The following SEZ6L variants were observed in gnomAD, a reference collection of about 807,000 sequenced individuals.
SEZ6L encodes the protein seizure related 6 homolog like, also known as seizure 6-like protein.
SEZ6L carries 37 observed loss-of-function variants against 106.2 expected under a neutral mutation model. The ratio of observed to expected loss-of-function variants is 0.35; its 90% confidence interval spans 0.27 to 0.46. The LOEUF (loss-of-function observed/expected upper bound fraction) is 0.46, where lower values mean the gene tolerates loss of function less well. Among genes scored for constraint, SEZ6L ranks in the 20% least tolerant of loss-of-function variants. The pLI is 1.00. For missense variants in SEZ6L, 1,172 were observed against 1,332.8 expected (o/e 0.88, Z 1.88); for synonymous variants, 541 against 570.4 (o/e 0.95, Z 0.73).
intron 1 of SEZ6L, among the ~76,000 whole-genome samples, chr22:26,198,904 T>C (rs929300446): frequency 1.3e-5 from 2 of 152,230 alleles, no homozygotes; most frequent in African/African-American, 4.8e-5. Flanking sequence ...ACTGCAATTC[T>C]CTGCCTCCCT....
chr22:26,306,365 C>G (rs1047886381), intron 6 of SEZ6L, among the ~76,000 whole-genome samples: 1 of 152,188 alleles, frequency 6.6e-6, no homozygotes, highest in African/African-American at 2.4e-5. Context: ...CCTGCCCCAG[C>G]TCAATCAGCA....
intron 1 of SEZ6L, among the ~76,000 whole-genome samples, chr22:26,173,813 C>T (rs1414891397): frequency 6.6e-6 from 1 of 152,170 alleles, no homozygotes; most frequent in Non-Finnish European, 1.5e-5. Flanking sequence ...GCTGAATTCT[C>T]ATATGGCCAA....
intron 1 of SEZ6L, among the ~76,000 whole-genome samples, chr22:26,235,497 G>T (rs879581795): frequency 3.3e-5 from 5 of 152,158 alleles, no homozygotes; most frequent in Admixed American, 2.6e-4. Context: ...GGCTGGAGGG[G>T]CAAAGAGACA....
chr22:26,169,771 C>A lies in SEZ6L; in HGVS notation c.94+8C>A, dbSNP rs995141871. ...CGGCAGCGCTGGAGCGAGGTAAGCG[C>A]CCCGAGGGGCGGGGCGGGCAGGGGG... On this transcript the variant is annotated splice_region_variant and intron_variant, in intron 1 of 16. Transcript: ENST00000248933. 3.4e-4 allele frequency: 417 copies of A among 1,240,436 alleles called. No individual in the cohort carries two copies. Among genetic ancestry groups the A allele is most frequent in the Non-Finnish European group, 4.0e-4 (399 of 990,100 alleles). 76.8% of individuals were successfully genotyped at this position (1,240,436 alleles called of 1,614,324 possible).
At chr22:26,177,968 T>C (rs1286040673) in intron 1 of SEZ6L, among the ~76,000 whole-genome samples, 4 of 152,292 alleles carry the variant, frequency 2.6e-5, no homozygotes, top group Middle Eastern at 3.4e-3. Flanking sequence ...AACCCCTCAC[T>C]CATGTCTTCT....
intron 11 of SEZ6L, among the ~76,000 whole-genome samples, chr22:26,348,699 A>C (rs192815497): frequency 3.3e-4 from 22 of 67,334 alleles, no homozygotes; most frequent in African/African-American, 1.0e-3. Flanking sequence ...AGAAAGAAAG[A>C]AAGAAGGCAA....
chr22:26,178,376 C>T (rs771848628), intron 1 of SEZ6L, among the ~76,000 whole-genome samples: 3 of 152,210 alleles, frequency 2.0e-5, no homozygotes, highest in Non-Finnish European at 4.4e-5. Flanking sequence ...GGCTTCCTCA[C>T]TCTCACCATG....
intron 1 of SEZ6L, among the ~76,000 whole-genome samples, chr22:26,218,298 C>G (rs780559844): frequency 1.3e-5 from 2 of 152,080 alleles, no homozygotes; most frequent in Admixed American, 1.3e-4. Flanking sequence ...AGGTTTGTTA[C>G]ATAGGTACAA....
chr22:26,280,400 G>A (rs2080723885), intron 1 of SEZ6L, among the ~76,000 whole-genome samples: 1 of 151,970 alleles, frequency 6.6e-6, no homozygotes, highest in Admixed American at 6.6e-5. Flanking sequence ...CATTTCTTGT[G>A]TATTCTTTCA....
At chr22:26,345,208 G>T (rs993455923) in intron 10 of SEZ6L, among the ~76,000 whole-genome samples, 1 of 152,186 alleles carries the variant, frequency 6.6e-6, no homozygotes, top group Non-Finnish European at 1.5e-5. Context: ...CTGAATCAGG[G>T]TCCCTGGGGT....
chr22:26,187,881 CAA>C (rs1190259238), intron 1 of SEZ6L, among the ~76,000 whole-genome samples: 3 of 152,250 alleles, frequency 2.0e-5, no homozygotes, highest in Middle Eastern at 3.4e-3. Flanking sequence ...CTTTTTCCAG[CAA>C]AAGACATTTT....
intron 1 of SEZ6L, among the ~76,000 whole-genome samples, chr22:26,257,260 C>A (rs912254339): frequency 6.6e-6 from 1 of 152,142 alleles, no homozygotes; most frequent in Non-Finnish European, 1.5e-5. Context: ...AGCTCTAGTC[C>A]TTGAAGAGAA....
intron 2 of SEZ6L, among the ~76,000 whole-genome samples, chr22:26,293,543 T>C (rs1452058988): frequency 6.6e-6 from 1 of 152,134 alleles, no homozygotes; most frequent in African/African-American, 2.4e-5. Flanking sequence ...TTGTCCAGGC[T>C]GGGGAACTCC....
intron 12 of SEZ6L, among the ~76,000 whole-genome samples, chr22:26,362,735 A>C (rs192291731): frequency 6.6e-6 from 1 of 152,330 alleles, no homozygotes; most frequent in Non-Finnish European, 1.5e-5. Context: ...CCAGCTGCAC[A>C]GTGACCTGGG....
chr22:26,334,027 C>G (rs915971995), intron 9 of SEZ6L, among the ~76,000 whole-genome samples: 2 of 151,816 alleles, frequency 1.3e-5, no homozygotes, highest in African/African-American at 2.4e-5. Context: ...ACGGGGCAGG[C>G]GGCAATGCAA....
At chr22:26,271,633 T>TTC (rs1395185861) in intron 1 of SEZ6L, among the ~76,000 whole-genome samples, 2 of 152,202 alleles carry the variant, frequency 1.3e-5, no homozygotes, top group African/African-American at 4.8e-5. Context: ...GACCTCCCCC[T>TTC]TCTCTCTCTT....
Position 26,236,586 on chromosome 22 carries a change from G to GGTTAA in SEZ6L, c.95-55816_95-55815insAGTTA, listed in dbSNP as rs370106188. Among the ~76,000 whole-genome samples, 6 of 96,482 alleles carry GGTTAA rather than the reference G, an allele frequency of 6.2e-5. No individual in the cohort carries two copies. In the Admixed American group the frequency reaches 7.3e-4, roughly 12 times the overall value. The allele number at this position is 96,482 out of a possible 152,430, so 63.3% of individuals were successfully genotyped here. A position where few individuals can be genotyped will look rare whatever the true frequency, so the allele number is the denominator to read the frequency against. ...TTTCCAAAGCATCCTTCAAAAAGTT[G>GGTTAA]GTTATAGACTAAACCACCAGTTTCA... is the stretch of plus-strand genomic sequence containing the variant. On this transcript the variant is annotated intron_variant, in intron 1 of 16. Coordinates refer to ENST00000248933, the MANE Select transcript of SEZ6L (RefSeq NM_021115.5).
intron 6 of SEZ6L, among the ~76,000 whole-genome samples, chr22:26,308,543 A>G (rs1162971834): frequency 2.0e-5 from 3 of 152,134 alleles, no homozygotes; most frequent in Non-Finnish European, 2.9e-5. Flanking sequence ...CAGTCTCATA[A>G]TATGCCCCCA....
chr22:26,248,760 A>G (rs1487685742), intron 1 of SEZ6L, among the ~76,000 whole-genome samples: 2 of 152,226 alleles, frequency 1.3e-5, no homozygotes, highest in African/African-American at 2.4e-5. Context: ...TTGACCTTGC[A>G]TAAAAGACCA....
Sources: gnomAD v4.1 joint callset for allele counts (sites outside exome capture counted in the v4.1 genomes callset) on GRCh38, gnomAD v4.1.1 for gene constraint, MANE v1.5 for transcripts, NCBI Gene and HGNC (gene_info 2026-07-23, HGNC 2026-07-21) for gene names.